Variants in KLHL22 observed in about 807,000 individuals in gnomAD.
KLHL22 encodes the protein kelch-like protein 22.
Under a neutral mutation model 60.7 loss-of-function variants are expected in KLHL22, and 18 were observed. The observed-to-expected ratio is 0.30, with a 90% CI of 0.20 to 0.44. The LOEUF is 0.44. Among genes scored for constraint, KLHL22 ranks in the 20% least tolerant of loss-of-function variants. The pLI is 1.00. For synonymous variants in KLHL22, 355 were observed against 354.5 expected (o/e 1.00, Z -0.01); for missense variants, 596 against 852.3 (o/e 0.70, Z 3.74).
intron 2 of KLHL22, among the ~76,000 whole-genome samples, chr22:20,477,592 G>C (rs1268083443): frequency 6.6e-6 from 1 of 152,020 alleles, no homozygotes; most frequent in Non-Finnish European, 1.5e-5. Context: ...AAAAAAGTGA[G>C]ACTCTGTCTC....
chr22:20,445,265 C>T (rs1190182044), intron 6 of KLHL22, among the ~76,000 whole-genome samples: 3 of 147,058 alleles, frequency 2.0e-5, no homozygotes, highest in Non-Finnish European at 4.5e-5. Flanking sequence ...GGAGTGCAGT[C>T]GTGTGATCTC....
intron 4 of KLHL22, among the ~76,000 whole-genome samples, chr22:20,461,220 CTAGAGTTGG>C (rs1340295856): frequency 6.6e-6 from 1 of 152,106 alleles, no homozygotes; most frequent in African/African-American, 2.4e-5. Flanking sequence ...GACATGAACC[CTAGAGTTGG>C]TACAAAAATA....
intron 5 of KLHL22, among the ~76,000 whole-genome samples, chr22:20,448,864 C>A (rs1181330513): frequency 6.6e-6 from 1 of 152,188 alleles, no homozygotes; most frequent in Non-Finnish European, 1.5e-5. Flanking sequence ...TGCACAGTCA[C>A]CAGTATTTCG....
chr22:20,477,312 AC>A (rs1245331511), intron 2 of KLHL22, among the ~76,000 whole-genome samples: 3 of 151,898 alleles, frequency 2.0e-5, no homozygotes, highest in Non-Finnish European at 4.4e-5. Context: ...AATCACTTGA[AC>A]CTGGGAGGCG....
intron 2 of KLHL22, among the ~76,000 whole-genome samples, chr22:20,476,622 C>T (rs1313359886): frequency 6.6e-6 from 1 of 151,134 alleles, no homozygotes; most frequent in Non-Finnish European, 1.5e-5. Context: ...ACCATGTTAG[C>T]CAGGATGGTC....
intron 2 of KLHL22, among the ~76,000 whole-genome samples, chr22:20,473,613 C>A (rs560539045): frequency 1.3e-5 from 2 of 152,170 alleles, no homozygotes; most frequent in Non-Finnish European, 2.9e-5. Flanking sequence ...CAGTGGCTCA[C>A]GCCTGTAATC....
chr22:20,451,087 T>C (rs1366521113), intron 5 of KLHL22: 2 of 1,461,476 alleles, frequency 1.4e-6, no homozygotes, highest in Non-Finnish European at 1.9e-6. Flanking sequence ...TTATGTGGCC[T>C]CAGTGTCCCT....
rs184134803 is a variant in KLHL22, at chr22:20,457,906, C to T, written c.1207G>A (p.Ala403Thr). 14 of 1,613,840 alleles carry T rather than the reference C, an allele frequency of 8.7e-6. No homozygotes were observed. The highest frequency in any genetic ancestry group is 3.3e-5 in the Admixed American group (2 of 59,986). ...SVCVVGRYIY[A>T]VAGRDYHNDL... ...TTGTGGTAGTCACGGCCCGCCACAGCGTAGATGTACCTGCCTACAACACAC... is the reference window on the plus strand; with the variant it reads ...TTGTGGTAGTCACGGCCCGCCACAGTGTAGATGTACCTGCCTACAACACAC... Residue 403 changes from alanine (A) to threonine (T), a missense_variant, in exon 5 of 7, where the codon GCT becomes ACT. Transcript: ENST00000328879.
intron 5 of KLHL22, chr22:20,450,034 G>A (rs547287038): frequency 1.0e-4 from 65 of 643,242 alleles, no homozygotes; most frequent in Admixed American, 3.2e-4. Flanking sequence ...CCCACAGGCT[G>A]GGGACAGGCC....
chr22:20,483,912 G>A (rs5749798), intron 2 of KLHL22: 61,832 of 680,728 alleles, frequency 0.091, 6,331 homozygotes, highest in East Asian at 0.48. Context: ...AGCCATCCCC[G>A]CGGCCAGGCC....
chr22:20,490,435 G>GA (rs902680214), intron 1 of KLHL22, among the ~76,000 whole-genome samples: 1 of 151,996 alleles, frequency 6.6e-6, no homozygotes, highest in Non-Finnish European at 1.5e-5. Context: ...AGTTCTGAAT[G>GA]AAAAAAACAC....
intron 4 of KLHL22, 34 bp downstream of exon 4, chr22:20,464,824 G>A (rs1211922133): frequency 7.4e-7 from 1 of 1,352,444 alleles, no homozygotes; most frequent in African/African-American, 1.5e-5. Context: ...CTCATCACCT[G>A]AAGACAAAGG....
intron 5 of KLHL22, chr22:20,450,311 T>G (rs1410894299): frequency 8.9e-7 from 1 of 1,128,278 alleles, no homozygotes; most frequent in African/African-American, 1.5e-5. Context: ...TGTTCACTAG[T>G]GACCTTTATA....
rs752628240 is a variant in KLHL22, at chr22:20,470,220, G to A, written c.393+1130C>T. ...TAATATCAGCTAGGCACAATGGCAC[G>A]CATCTTTAGTCCCAGCTACTCAGAA... On this transcript the variant is annotated intron_variant, in intron 3 of 6. Coordinates refer to ENST00000328879, the MANE Select transcript of KLHL22 (RefSeq NM_032775.4). 3.3e-5 allele frequency among the ~76,000 whole-genome samples: 5 copies of A among 151,618 alleles called. No individual in the cohort carries two copies. The South Asian group carries it at 6.2e-4, about 19-fold the overall frequency.
intron 1 of KLHL22, chr22:20,491,449 T>C (rs1052091145): frequency 3.3e-5 from 5 of 152,196 alleles, no homozygotes; most frequent in African/African-American, 1.2e-4. Context: ...ACCTAGGGGC[T>C]GCTGGCCAGC....
intron 2 of KLHL22, among the ~76,000 whole-genome samples, chr22:20,474,145 G>GC (rs1264203628): frequency 2.6e-5 from 4 of 151,664 alleles, no homozygotes; most frequent in Non-Finnish European, 5.9e-5. Flanking sequence ...GACTACAGGT[G>GC]CCCCCCACCA....
At position 20,489,028 on chromosome 22, in the gene KLHL22, C is replaced by T. The variant is rs141003390; in HGVS notation, c.184G>A (p.Glu62Lys). 6.8e-6 allele frequency: 11 copies of T among 1,613,920 alleles called. No homozygotes were observed. The highest frequency in any genetic ancestry group is 2.7e-5 in the African/African-American group (2 of 74,914). The change falls in exon 2 of 7, where the codon GAG becomes AAG. Residue 62 changes from glutamate to lysine, a missense_variant. Physicochemically the swap from Glu to Lys is moderately conservative, Grantham distance 56. Transcript: ENST00000328879. ...VVLVVEGRHI[E>K]AHRILLAASC... Reference sequence around the variant, plus strand: ...GCAGCCAGCAGGATGCGATGGGCCTCGATGTGTCTGCCCTCCACCACCAGC... The same window carrying T: ...GCAGCCAGCAGGATGCGATGGGCCTTGATGTGTCTGCCCTCCACCACCAGC...
intron 2 of KLHL22, chr22:20,483,250 G>A (rs1439636290): frequency 2.9e-6 from 2 of 695,400 alleles, no homozygotes; most frequent in Non-Finnish European, 5.3e-6. Flanking sequence ...AACCTCAGTG[G>A]ACTGCATGGT....
intron 5 of KLHL22, among the ~76,000 whole-genome samples, chr22:20,455,481 A>G (rs1021307640): frequency 6.6e-5 from 10 of 152,188 alleles, no homozygotes; most frequent in Non-Finnish European, 2.9e-5. Context: ...GACTAGGCAG[A>G]TGGTTAGATA....
Sources: gnomAD v4.1 joint callset for allele counts (sites outside exome capture counted in the v4.1 genomes callset) on GRCh38, gnomAD v4.1.1 for gene constraint, MANE v1.5 for transcripts, NCBI Gene and HGNC (gene_info 2026-07-23, HGNC 2026-07-21) for gene names.